The following GOLGA8T variants were observed in gnomAD, a reference collection of about 807,000 sequenced individuals.
The protein encoded by GOLGA8T is golgin subfamily A member 8T.
A neutral mutation model predicts 52.0 loss-of-function variants in GOLGA8T; 17 were observed. That is an observed-to-expected ratio of 0.33 (90% CI 0.22 to 0.49). The LOEUF is 0.49. Ranked by LOEUF, GOLGA8T falls within the 20% of genes least tolerant of loss-of-function variation. GOLGA8T has a pLI of 0.99. For missense variants in GOLGA8T, 154 were observed against 462.1 expected (o/e 0.33, Z 6.11); for synonymous variants, 67 against 169.5 (o/e 0.40, Z 4.70).
At chr15:30,142,439 A>G in intron 13 of GOLGA8T, 57 bp downstream of exon 13, 7 of 1,581,504 alleles carry the variant, frequency 4.4e-6, no homozygotes, top group Non-Finnish European at 6.0e-6. Flanking sequence ...CGGGCAGCAG[A>G]CTCTGGGGAG....
At position 30,140,081 on chromosome 15, in the gene GOLGA8T, C is replaced by T. The variant is rs2057720286; in HGVS notation, c.591+297C>T. On this transcript the variant is annotated intron_variant, in intron 8 of 18. Transcript: ENST00000569052. The stretch of plus-strand genomic sequence containing the variant: ...CTAGTCCTAGGTGGGGTATTGGGTA[C>T]TTGTACTGTGAAGGTACAGAAGAGT... 3 of 575,484 alleles carry T rather than the reference C, an allele frequency of 5.2e-6. 1 individual carries two copies. Among genetic ancestry groups the T allele is most frequent in the African/African-American group, 6.4e-5 (2 of 31,338 alleles). 35.6% of individuals were successfully genotyped at this position (575,484 alleles called of 1,614,324 possible).
chr15:30,142,503 C>G, intron 13 of GOLGA8T, 121 bp downstream of exon 13: 5 of 1,508,784 alleles, frequency 3.3e-6, no homozygotes, highest in African/African-American at 1.5e-5. Flanking sequence ...GACCACAGCA[C>G]CCCCCAGGGC....
At chr15:30,144,651 C>G in intron 15 of GOLGA8T, 128 bp from the exon 16 acceptor site, 1 of 1,221,144 alleles carries the variant, frequency 8.2e-7, no homozygotes, top group Admixed American at 2.2e-5. Flanking sequence ...GGGAGACCCA[C>G]TGGGCCCTGC....
At chr15:30,142,425 G>T (rs2140649369) in intron 13 of GOLGA8T, 43 bp downstream of exon 13, 4 of 1,579,672 alleles carry the variant, frequency 2.5e-6, no homozygotes, top group South Asian at 1.1e-5. Flanking sequence ...GAAGGGCTGG[G>T]AGGCGGGCAG....
At position 30,144,811 on chromosome 15, in the gene GOLGA8T, A is replaced by C. The variant is rs1270271164; in HGVS notation, c.1401A>C (p.Ala467=). 3.9e-6 allele frequency: 6 copies of C among 1,548,784 alleles called. No individual in the cohort carries two copies. In the East Asian group the frequency reaches 1.4e-4, roughly 35 times the overall value. The change falls in exon 16 of 19, where the codon GCA becomes GCC. Residue 467 remains alanine, a synonymous_variant. Transcript: ENST00000569052. ...SSFMDHLKEK[A]DLSELVKKEL... Reference sequence around the variant, plus strand: ...TTATGGACCACCTGAAGGAGAAGGCAGACCTGAGTGAGCTGGTGAAAAAAG... The same window carrying C: ...TTATGGACCACCTGAAGGAGAAGGCCGACCTGAGTGAGCTGGTGAAAAAAG...
intron 15 of GOLGA8T, among the ~76,000 whole-genome samples, chr15:30,144,477 C>T (rs1282294109): frequency 2.5e-5 from 3 of 119,450 alleles, no homozygotes; most frequent in African/African-American, 1.1e-4. Context: ...TTTTCAAGTC[C>T]GCTGGAGCTA....
At chr15:30,142,412 C>T (rs1194367132) in intron 13 of GOLGA8T, 30 bp downstream of exon 13, 1 of 1,574,668 alleles carries the variant, frequency 6.4e-7, no homozygotes, top group Non-Finnish European at 8.5e-7. Context: ...CCACCCCATC[C>T]AAGAAGGGCT....
chr15:30,146,968 C>CTGT lies in GOLGA8T; in HGVS notation c.*1403_*1405dup, dbSNP rs1463422164. Among the ~76,000 whole-genome samples the CTGT allele has an allele frequency of 5.7e-5, 7 of 122,262 alleles. No homozygotes were observed. The highest frequency in any genetic ancestry group is 9.3e-5 in the Non-Finnish European group (6 of 64,836). The allele number at this position is 122,262 out of a possible 152,430, so 80.2% of individuals were successfully genotyped here. A position where few individuals can be genotyped will look rare whatever the true frequency, so the allele number is the denominator to read the frequency against. ...TGTGTACAAACTGCAGTGCAATCTACTGTTCGTGAATGTCAATGTATTATC... is the reference window on the plus strand; with the variant it reads ...TGTGTACAAACTGCAGTGCAATCTACTGTTGTTCGTGAATGTCAATGTATTATC... On this transcript the variant is annotated 3_prime_UTR_variant, in exon 19 of 19. Coordinates refer to ENST00000569052, the MANE Select transcript of GOLGA8T (RefSeq NM_001355469.2).
In GOLGA8T at chr15:30,143,675, G is replaced by A; in HGVS notation, c.1270G>A (p.Gly424Arg). The A allele has an allele frequency of 6.4e-7, 1 of 1,552,888 alleles. No individual in the cohort carries two copies. The highest frequency in any genetic ancestry group is 1.2e-5 in the South Asian group (1 of 86,672). The change falls in exon 14 of 19, where the codon GGG becomes AGG. Residue 424 changes from glycine (G) to arginine (R), a missense_variant. Coordinates refer to ENST00000569052, the MANE Select transcript of GOLGA8T (RefSeq NM_001355469.2). ...CCAGCTGAGCCTCATGGCTCTCCCTGGGGAAGGTACGGGAGACTGCTCAGA... is the reference window on the plus strand; with the variant it reads ...CCAGCTGAGCCTCATGGCTCTCCCTAGGGAAGGTACGGGAGACTGCTCAGA... Reference protein sequence around the residue: ...TAQLSLMALPGEGHGGEHLDS... With the variant: ...TAQLSLMALPREGHGGEHLDS...
chr15:30,141,405 C>G lies in GOLGA8T; in HGVS notation c.854C>G (p.Ser285Cys). ...RRVEELERSL[S>C]KLKNQMAEPL... ...GTAGAGGAGCTGGAGAGGAGCTTGT[C>G]CAAACTCAAAAACCAGATGGGTAAG... The change falls in exon 11 of 19, where the codon TCC becomes TGC. Residue 285 changes from serine to cysteine, a missense_variant. Ser to Cys is a moderately radical substitution (Grantham distance 112, BLOSUM62 -1). Coordinates refer to ENST00000569052, the MANE Select transcript of GOLGA8T (RefSeq NM_001355469.2). 6.5e-7 allele frequency: 1 copy of G among 1,538,930 alleles called. No individual in the cohort carries two copies. Among genetic ancestry groups the G allele is most frequent in the Non-Finnish European group, 8.6e-7 (1 of 1,156,984 alleles).
Position 30,146,990 on chromosome 15 carries a change from TATC to T in GOLGA8T, c.*1425_*1427del, listed in dbSNP as rs1429368067. On this transcript the variant is annotated 3_prime_UTR_variant, in exon 19 of 19. Coordinates refer to ENST00000569052, the MANE Select transcript of GOLGA8T (RefSeq NM_001355469.2). Reference sequence around the variant, plus strand: ...CTACTGTTCGTGAATGTCAATGTATTATCAGGAAACGTGTCTATACAATCACAG... The same window carrying T: ...CTACTGTTCGTGAATGTCAATGTATTAGGAAACGTGTCTATACAATCACAG... Among the ~76,000 whole-genome samples the T allele has an allele frequency of 5.0e-5, 6 of 119,050 alleles. No homozygotes were observed. The highest frequency in any genetic ancestry group is 5.2e-4 in the South Asian group (2 of 3,812). The allele number at this position is 119,050 out of a possible 152,430, so 78.1% of individuals were successfully genotyped here. A position where few individuals can be genotyped will look rare whatever the true frequency, so the allele number is the denominator to read the frequency against.
Position 30,136,982 on chromosome 15 carries a change from G to A in GOLGA8T, c.165G>A (p.Arg55=), listed in dbSNP as rs1374629470. 2 of 1,086,142 alleles carry A rather than the reference G, an allele frequency of 1.8e-6. No individual in the cohort carries two copies. Among genetic ancestry groups the A allele is most frequent in the African/African-American group, 3.4e-5 (2 of 59,636 alleles). The allele number at this position is 1,086,142 out of a possible 1,614,324, so 67.3% of individuals were successfully genotyped here. The change falls in exon 2 of 19, where the codon AGG becomes AGA. Residue 55 remains arginine (R), a synonymous_variant. Coordinates refer to ENST00000569052, the MANE Select transcript of GOLGA8T (RefSeq NM_001355469.2). ...CTTCTGGTGGTTGCCAGCCACCTAG[G>A]GATGTGAGTCTTGGCTGACCAGGCT... ...KATSGGCQPP[R]DSATGFHREG... is the part of the protein sequence containing the mutation.
At chr15:30,140,665 A>T (rs1231030043) in intron 8 of GOLGA8T, among the ~76,000 whole-genome samples, 177 bp from the exon 9 acceptor site, 1 of 145,668 alleles carries the variant, frequency 6.9e-6, no homozygotes, top group Admixed American at 6.7e-5. Flanking sequence ...ATTCAATCTC[A>T]TTCCCTGTCC....
chr15:30,142,483 G>A (rs1428848430), intron 13 of GOLGA8T, 101 bp downstream of exon 13: 2 of 1,541,042 alleles, frequency 1.3e-6, no homozygotes, highest in Middle Eastern at 2.3e-4. Context: ...CTTCCAGCCT[G>A]GGGGCTGGTG....
rs1395101223 is a variant in GOLGA8T at position 30,148,358 on chromosome 15, C to T, written c.*2791C>T. The stretch of plus-strand genomic sequence containing the variant: ...TTCCAGAAATGAAAAAAAAAATCAG[C>T]TCTAAAACCAAAGCGATTTTAGAAA... On this transcript the variant is annotated 3_prime_UTR_variant, in exon 19 of 19. Coordinates refer to ENST00000569052, the MANE Select transcript of GOLGA8T (RefSeq NM_001355469.2). 7.7e-6 allele frequency among the ~76,000 whole-genome samples: 1 copy of T among 130,034 alleles called. No homozygotes were observed. The highest frequency in any genetic ancestry group is 1.5e-5 in the Non-Finnish European group (1 of 65,692). 85.3% of individuals were successfully genotyped at this position (130,034 alleles called of 152,430 possible).
intron 1 of GOLGA8T, among the ~76,000 whole-genome samples, chr15:30,136,626 A>G (rs1411247303): frequency 6.8e-6 from 1 of 146,206 alleles, no homozygotes; most frequent in Non-Finnish European, 1.5e-5. Context: ...TCTTGGCAAA[A>G]CCTCAGAGCT....
rs1218813192 is a variant in GOLGA8T, at chr15:30,148,343, GAA to G, written c.*2785_*2786del. Among the ~76,000 whole-genome samples, 1 of 113,676 alleles carries G rather than the reference GAA, an allele frequency of 8.8e-6. No individual in the cohort carries two copies. Among genetic ancestry groups the G allele is most frequent in the African/African-American group, 5.1e-5 (1 of 19,646 alleles). 74.6% of individuals were successfully genotyped at this position (113,676 alleles called of 152,430 possible). ...TTCAACCTGATAATTTTCCAGAAAT[GAA>G]AAAAAAAATCAGCTCTAAAACCAAA... On this transcript the variant is annotated 3_prime_UTR_variant, in exon 19 of 19. Transcript: ENST00000569052.
At chr15:30,142,908 C>T (rs2057767272) in intron 13 of GOLGA8T, among the ~76,000 whole-genome samples, 1 of 100,916 alleles carries the variant, frequency 9.9e-6, no homozygotes, top group Admixed American at 8.8e-5. Context: ...GAGATTGCAC[C>T]ACTGCACTCC....
rs1373738317 is a variant in GOLGA8T, at chr15:30,146,817, TA to T, written c.*1256del. Among the ~76,000 whole-genome samples the T allele has an allele frequency of 1.8e-5, 2 of 114,188 alleles. No individual in the cohort carries two copies. Among genetic ancestry groups the T allele is most frequent in the Non-Finnish European group, 3.2e-5 (2 of 62,822 alleles). 74.9% of individuals were successfully genotyped at this position (114,188 alleles called of 152,430 possible). On this transcript the variant is annotated 3_prime_UTR_variant, in exon 19 of 19. Coordinates refer to ENST00000569052, the MANE Select transcript of GOLGA8T (RefSeq NM_001355469.2). ...CTTTTTCCTTGAATGGAAAACACTT[TA>T]AAAAATAATAGAAACATTATTATAA...
Sources: gnomAD v4.1 joint callset for allele counts (sites outside exome capture counted in the v4.1 genomes callset) on GRCh38, gnomAD v4.1.1 for gene constraint, MANE v1.5 for transcripts, NCBI Gene and HGNC (gene_info 2026-07-23, HGNC 2026-07-21) for gene names.